The following CFAP97D2 variants were observed in gnomAD, a reference collection of about 807,000 sequenced individuals.
CFAP97D2 encodes the protein CFAP97 domain containing 2, also known as uncharacterized protein CFAP97D2.
At chr13:114,210,580 G>T (rs534079943) in intron 3 of CFAP97D2, among the ~76,000 whole-genome samples, 1 of 152,028 alleles carries the variant, frequency 6.6e-6, no homozygotes, top group African/African-American at 2.4e-5. Flanking sequence ...TGCTCCCGTG[G>T]CTCAGCCTTT....
At chr13:114,193,547 A>T (rs910520961) in intron 1 of CFAP97D2, among the ~76,000 whole-genome samples, 1 of 152,194 alleles carries the variant, frequency 6.6e-6, no homozygotes, top group Non-Finnish European at 1.5e-5. Context: ...GCAGAAGAGC[A>T]TGAGAGACCC....
At chr13:114,209,379 A>C (rs949801650) in intron 3 of CFAP97D2, among the ~76,000 whole-genome samples, 1 of 152,232 alleles carries the variant, frequency 6.6e-6, no homozygotes, top group Non-Finnish European at 1.5e-5. Context: ...TAATAAAGTG[A>C]ACAGGTCTGC....
intron 1 of CFAP97D2, among the ~76,000 whole-genome samples, chr13:114,182,974 G>T (rs1566610750): frequency 6.6e-6 from 1 of 152,066 alleles, no homozygotes; most frequent in Non-Finnish European, 1.5e-5. Context: ...TGCACTCACT[G>T]CTACCTCCAG....
intron 1 of CFAP97D2, among the ~76,000 whole-genome samples, chr13:114,181,648 G>A (rs2080832866): frequency 6.6e-6 from 1 of 152,222 alleles, no homozygotes; most frequent in Non-Finnish European, 1.5e-5. Flanking sequence ...TAAGAGTGGA[G>A]AGAATCAGCT....
chr13:114,198,678 CAGT>C (rs2080899543), intron 2 of CFAP97D2, among the ~76,000 whole-genome samples: 3 of 116,684 alleles, frequency 2.6e-5, no homozygotes, highest in African/African-American at 6.8e-5. Flanking sequence ...TGAGGCGTGA[CAGT>C]GGGTCCCCGT....
intron 2 of CFAP97D2, among the ~76,000 whole-genome samples, chr13:114,198,585 C>G (rs552258168): frequency 6.6e-6 from 1 of 152,392 alleles, no homozygotes; most frequent in South Asian, 2.1e-4. Context: ...CTTACTCCAC[C>G]CAATGCGTTC....
rs554107304 is a variant in CFAP97D2 at position 114,185,368 on chromosome 13, G to A, written c.90+5948G>A. ...TGGGCACACAGGAGCAGGCAGAGAG[G>A]GGCCCAGTGGGGACCTGGAACCCCC... On this transcript the variant is annotated intron_variant, in intron 1 of 4. Coordinates refer to ENST00000646158, the Ensembl canonical transcript of CFAP97D2. The surrounding 1 kb of genome is among the most constrained non-coding windows in gnomAD (Gnocchi z 5.2). Among the ~76,000 whole-genome samples the A allele has an allele frequency of 6.6e-6, 1 of 152,314 alleles. No individual in the cohort carries two copies. Among genetic ancestry groups the A allele is most frequent in the South Asian group, 2.1e-4 (1 of 4,824 alleles).
At chr13:114,217,063 G>A (rs1396957095) in intron 4 of CFAP97D2, among the ~76,000 whole-genome samples, 4 of 152,130 alleles carry the variant, frequency 2.6e-5, no homozygotes, top group South Asian at 2.1e-4. Context: ...ATTTTTTCAT[G>A]TGTCTGTTGG....
At position 114,189,655 on chromosome 13, in the gene CFAP97D2, A is replaced by AGGCT. The variant is rs2080862578; in HGVS notation, c.91-6736_91-6733dup. 6.6e-6 allele frequency among the ~76,000 whole-genome samples: 1 copy of AGGCT among 152,228 alleles called. No homozygotes were observed. Among genetic ancestry groups the AGGCT allele is most frequent in the Non-Finnish European group, 1.5e-5 (1 of 68,046 alleles). On this transcript the variant is annotated intron_variant, in intron 1 of 4. Transcript: ENST00000646158. This position sits in a 1 kb window ranked among gnomAD's most constrained non-coding sequence, Gnocchi z 4.5. ...AAGTGGGATTCATTCCAGGTATGCA[A>AGGCT]GGCTGGCTCATCATTCAAAAATCAA...
In CFAP97D2 at chr13:114,211,810, C is replaced by T. The variant is rs561524709; in HGVS notation, c.291-102C>T. Reference sequence around the variant, plus strand: ...TCAGTGGGAAGCAGGAGCAACCCTCCACCCCGGGACCCCTTCCTGCTCTGG... The same window carrying T: ...TCAGTGGGAAGCAGGAGCAACCCTCTACCCCGGGACCCCTTCCTGCTCTGG... On this transcript the variant is annotated intron_variant, in intron 3 of 4. Coordinates refer to ENST00000646158, the Ensembl canonical transcript of CFAP97D2. The surrounding 1 kb of genome is among the most constrained non-coding windows in gnomAD (Gnocchi z 4.2). 149 of 397,716 alleles carry T rather than the reference C, an allele frequency of 3.7e-4. No individual in the cohort carries two copies. Among genetic ancestry groups the T allele is most frequent in the Admixed American group, 7.5e-4 (17 of 22,720 alleles). 24.6% of individuals were successfully genotyped at this position (397,716 alleles called of 1,614,324 possible). A position where few individuals can be genotyped will look rare whatever the true frequency, so the allele number is the denominator to read the frequency against.
At position 114,217,062 on chromosome 13, in the gene CFAP97D2, T is replaced by A. The variant is rs1200630411; in HGVS notation, c.480+4961T>A. Among the ~76,000 whole-genome samples the A allele has an allele frequency of 2.0e-4, 31 of 152,236 alleles. 1 individual carries two copies. The highest frequency in any genetic ancestry group is 2.0e-3 in the Admixed American group (31 of 15,286). On this transcript the variant is annotated intron_variant, in intron 4 of 4. Coordinates refer to ENST00000646158, the Ensembl canonical transcript of CFAP97D2. Reference sequence around the variant, plus strand: ...GCCAGTGATGGTGAGCATTTTTTCATGTGTCTGTTGGCTGCATAAATGTCT... The same window carrying A: ...GCCAGTGATGGTGAGCATTTTTTCAAGTGTCTGTTGGCTGCATAAATGTCT...
At chr13:114,188,215 T>G (rs960190640) in intron 1 of CFAP97D2, among the ~76,000 whole-genome samples, 1 of 150,764 alleles carries the variant, frequency 6.6e-6, no homozygotes, top group Admixed American at 6.6e-5. Context: ...CTGAGAAGTT[T>G]CAGCTATGAT....
intron 4 of CFAP97D2, among the ~76,000 whole-genome samples, chr13:114,217,535 A>G (rs1216598448): frequency 2.6e-5 from 4 of 152,228 alleles, no homozygotes; most frequent in Non-Finnish European, 5.9e-5. Flanking sequence ...TGAGGCCAGC[A>G]TCATCCTGAT....
intron 4 of CFAP97D2, among the ~76,000 whole-genome samples, chr13:114,215,222 C>A (rs768211559): frequency 4.6e-5 from 7 of 152,146 alleles, no homozygotes; most frequent in Non-Finnish European, 1.0e-4. Context: ...AAACTTTGGA[C>A]CATCTGATTT....
intron 2 of CFAP97D2, among the ~76,000 whole-genome samples, chr13:114,198,790 C>G (rs185454496): frequency 9.5e-5 from 6 of 63,374 alleles, no homozygotes; most frequent in Admixed American, 3.0e-4. Context: ...CCTGCTGAGG[C>G]GTGACAGTGG....
At chr13:114,217,870 G>A (rs1299011298) in intron 4 of CFAP97D2, among the ~76,000 whole-genome samples, 1 of 152,124 alleles carries the variant, frequency 6.6e-6, no homozygotes, top group Non-Finnish European at 1.5e-5. Flanking sequence ...TTGATAGGAC[G>A]TATCTCAAAA....
intron 3 of CFAP97D2, among the ~76,000 whole-genome samples, chr13:114,209,264 A>G (rs1427040165): frequency 6.6e-6 from 1 of 152,246 alleles, no homozygotes; most frequent in East Asian, 1.9e-4. Flanking sequence ...TGAAACTTCA[A>G]GTAGCCAAAG....
At chr13:114,183,443 C>G (rs1429652082) in intron 1 of CFAP97D2, among the ~76,000 whole-genome samples, 5 of 152,122 alleles carry the variant, frequency 3.3e-5, no homozygotes, top group Admixed American at 2.6e-4. Flanking sequence ...GCTAGGATTA[C>G]AGGTGTGAGC....
rs548594348 is a variant in CFAP97D2 at position 114,216,587 on chromosome 13, A to G, written c.480+4486A>G. Among the ~76,000 whole-genome samples, 867 of 152,316 alleles carry G rather than the reference A, an allele frequency of 5.7e-3. 1 individual carries two copies. Among genetic ancestry groups the G allele is most frequent in the Non-Finnish European group, 0.01 (681 of 68,034 alleles). On this transcript the variant is annotated intron_variant, in intron 4 of 4. Transcript: ENST00000646158. ...TAGTTTGCTGAGAATGATGGTTTCC[A>G]GCTTCATCCATGTCCCTACAAAGGA...
Sources: gnomAD v4.1 joint callset for allele counts (sites outside exome capture counted in the v4.1 genomes callset) on GRCh38, gnomAD v4.1.1 for gene constraint, Gnocchi (gnomAD v3.1) non-coding constraint, MANE v1.5 for transcripts, NCBI Gene and HGNC (gene_info 2026-07-23, HGNC 2026-07-21) for gene names.